The following MFHAS1 variants were observed in gnomAD, a reference collection of about 807,000 sequenced individuals.
MFHAS1 encodes multifunctional ROCO family signaling regulator 1, also known as malignant fibrous histiocytoma-amplified sequence 1.
Under a neutral mutation model 70.4 loss-of-function variants are expected in MFHAS1, and 50 were observed. The ratio of observed to expected loss-of-function variants is 0.71; its 90% confidence interval spans 0.57 to 0.90. The LOEUF (loss-of-function observed/expected upper bound fraction) is 0.90. Ranked by LOEUF, MFHAS1 falls within the 40% of genes least tolerant of loss-of-function variation. The pLI, the probability that MFHAS1 is intolerant of heterozygous loss-of-function variation, is 0.00. For missense variants in MFHAS1, 1,795 were observed against 1,347.6 expected (o/e 1.33, Z -5.20); for synonymous variants, 952 against 620.0 (o/e 1.54, Z -7.96).
intron 1 of MFHAS1, among the ~76,000 whole-genome samples, chr8:8,882,389 AAAACAAACAAAC>A (rs373389563): frequency 6.6e-6 from 1 of 151,802 alleles, no homozygotes. Context: ...ACTCAGTCTC[AAAACAAACAAAC>A]AAACAAACAA....
chr8:8,834,336 G>A (rs532140245), intron 1 of MFHAS1, among the ~76,000 whole-genome samples: 1 of 152,156 alleles, frequency 6.6e-6, no homozygotes, highest in Admixed American at 6.5e-5. Context: ...TGTTTATAAA[G>A]CCTACAGTAA....
rs555815516 is a variant in MFHAS1, at chr8:8,831,501, A to G, written c.2999-34010T>C. The stretch of plus-strand genomic sequence containing the variant: ...TTGGATGGGAAAAATACATCTCCAC[A>G]ATCACCTGATTTCAAAACGTACCAC... On this transcript the variant is annotated intron_variant, in intron 1 of 2. Coordinates refer to ENST00000276282, the MANE Select transcript of MFHAS1 (RefSeq NM_004225.3). 3.3e-5 allele frequency among the ~76,000 whole-genome samples: 5 copies of G among 152,234 alleles called. No individual in the cohort carries two copies. The East Asian group carries it at 9.7e-4, about 30-fold the overall frequency.
intron 1 of MFHAS1, among the ~76,000 whole-genome samples, chr8:8,849,063 CCTTT>C (rs1808141870): frequency 9.1e-6 from 1 of 109,722 alleles, no homozygotes; most frequent in African/African-American, 3.5e-5. Context: ...TTCCTTTTTA[CCTTT>C]TTTTTTTTTT....
At chr8:8,818,165 T>C (rs973027930) in intron 1 of MFHAS1, among the ~76,000 whole-genome samples, 2 of 152,210 alleles carry the variant, frequency 1.3e-5, no homozygotes, top group Admixed American at 6.5e-5. Context: ...GCGTCATACT[T>C]CGGGGCTGGC....
intron 1 of MFHAS1, among the ~76,000 whole-genome samples, chr8:8,798,072 G>A (rs913812382): frequency 6.6e-6 from 1 of 152,164 alleles, no homozygotes; most frequent in Non-Finnish European, 1.5e-5. Flanking sequence ...ACTATCTAAC[G>A]AGTCTAGCAA....
intron 1 of MFHAS1, among the ~76,000 whole-genome samples, chr8:8,858,645 T>C (rs1215725028): frequency 2.0e-5 from 3 of 151,994 alleles, no homozygotes; most frequent in East Asian, 1.9e-4. Flanking sequence ...TCGGTATATA[T>C]ATGGGGGGTT....
chr8:8,839,834 T>C (rs1298865983), intron 1 of MFHAS1, among the ~76,000 whole-genome samples: 3 of 152,130 alleles, frequency 2.0e-5, no homozygotes, highest in Admixed American at 6.5e-5. Context: ...GAATATCTCA[T>C]TTCACATAGT....
intron 1 of MFHAS1, among the ~76,000 whole-genome samples, chr8:8,870,943 A>G (rs1393027381): frequency 6.6e-6 from 1 of 152,172 alleles, no homozygotes; most frequent in Non-Finnish European, 1.5e-5. Flanking sequence ...TTTTGGTGAC[A>G]GGAGCGTCAC....
At chr8:8,826,260 G>C (rs1040428696) in intron 1 of MFHAS1, among the ~76,000 whole-genome samples, 248 of 151,942 alleles carry the variant, frequency 1.6e-3, no homozygotes, top group African/African-American at 5.5e-3. Context: ...GTGTGTGTGT[G>C]TGTGTGTGTG....
chr8:8,819,359 A>T (rs1806861253), intron 1 of MFHAS1, among the ~76,000 whole-genome samples: 3 of 152,140 alleles, frequency 2.0e-5, no homozygotes, highest in Non-Finnish European at 4.4e-5. Flanking sequence ...TAATCCCAGC[A>T]CTTTGGGAGG....
chr8:8,822,477 G>GCA (rs1806995636), intron 1 of MFHAS1, among the ~76,000 whole-genome samples: 2 of 150,842 alleles, frequency 1.3e-5, no homozygotes, highest in African/African-American at 4.9e-5. Context: ...GGATTGAGAT[G>GCA]GAGACAGGGA....
chr8:8,857,946 T>C (rs950653919), intron 1 of MFHAS1, among the ~76,000 whole-genome samples: 1 of 152,150 alleles, frequency 6.6e-6, no homozygotes, highest in Admixed American at 6.5e-5. Flanking sequence ...ACCACCAATT[T>C]TGGGGAAACC....
chr8:8,877,963 C>T (rs1388273395), intron 1 of MFHAS1, among the ~76,000 whole-genome samples: 4 of 152,186 alleles, frequency 2.6e-5, no homozygotes, highest in African/African-American at 9.6e-5. Flanking sequence ...TTTGTCTGCT[C>T]CCTGCCTTTT....
chr8:8,885,879 T>G (rs931845564), intron 1 of MFHAS1, among the ~76,000 whole-genome samples: 55 of 152,154 alleles, frequency 3.6e-4, no homozygotes, highest in African/African-American at 1.3e-3. Flanking sequence ...CCAGCTAATT[T>G]TTTTGTATTT....
intron 1 of MFHAS1, among the ~76,000 whole-genome samples, chr8:8,880,242 T>C (rs1401620637): frequency 6.6e-6 from 1 of 152,208 alleles, no homozygotes; most frequent in Non-Finnish European, 1.5e-5. Flanking sequence ...CTACAAAGCC[T>C]GGCAAAAGAA....
At chr8:8,872,446 G>A (rs1809114568) in intron 1 of MFHAS1, among the ~76,000 whole-genome samples, 1 of 152,154 alleles carries the variant, frequency 6.6e-6, no homozygotes, top group Non-Finnish European at 1.5e-5. Flanking sequence ...CCTGGGGCCG[G>A]ATGCATGGCA....
chr8:8,890,963 C>A lies in MFHAS1; in HGVS notation c.2096G>T (p.Arg699Leu). Residue 699 changes from arginine (R) to leucine (L), a missense_variant, in exon 1 of 3, where the codon CGA becomes CTA. Physicochemically the swap from Arg to Leu is moderately radical, Grantham distance 102. Coordinates refer to ENST00000276282, the MANE Select transcript of MFHAS1 (RefSeq NM_004225.3). The part of the protein sequence containing the change: ...LGLQAGLTED[R>L]LQSALSYLHE... ...CAGGTAGGAGAGGGCACTCTGCAGT[C>A]GGTCCTCGGTCAGACCCGCCTGCAG... 4 of 1,613,736 alleles carry A rather than the reference C, an allele frequency of 2.5e-6. No homozygotes were observed. The highest frequency in any genetic ancestry group is 3.4e-6 in the Non-Finnish European group (4 of 1,179,950).
intron 1 of MFHAS1, among the ~76,000 whole-genome samples, chr8:8,871,354 A>G (rs902767144): frequency 6.6e-6 from 1 of 152,138 alleles, no homozygotes; most frequent in African/African-American, 2.4e-5. Flanking sequence ...GTTTGAGACC[A>G]CCCTCGCCAA....
chr8:8,850,564 GGGTGCGGTAGCTCAC>G (rs1808205360), intron 1 of MFHAS1, among the ~76,000 whole-genome samples: 3 of 152,030 alleles, frequency 2.0e-5, no homozygotes, highest in Non-Finnish European at 4.4e-5. Context: ...ACCCAGGGTC[GGGTGCGGTAGCTCAC>G]GCCTGTAATT....
Sources: allele counts gnomAD v4.1 joint callset (sites outside exome capture counted in the v4.1 genomes callset), GRCh38; gene constraint gnomAD v4.1.1; transcripts MANE v1.5; gene names NCBI Gene and HGNC (gene_info 2026-07-23, HGNC 2026-07-21).